MMP10: variants seen among roughly 807,000 people sequenced by gnomAD.
The protein encoded by MMP10 is stromelysin-2.
Under a neutral mutation model 49.1 loss-of-function variants are expected in MMP10, and 50 were observed. The observed-to-expected ratio is 1.02, with a 90% CI of 0.81 to 1.29. The LOEUF is 1.29. Ranked by LOEUF, MMP10 falls within the 50% of genes most tolerant of loss-of-function variation. MMP10 has a pLI of 0.00. For missense variants in MMP10, 613 were observed against 563.8 expected, an observed-to-expected ratio of 1.09 and a Z score of -0.88; for synonymous variants, 229 against 201.6, an observed-to-expected ratio of 1.14 and a Z score of -1.15.
chr11:102,776,473 C>T (rs758539924), intron 5 of MMP10, 49 bp from the exon 6 acceptor site: 3 of 1,598,946 alleles, frequency 1.9e-6, no homozygotes, highest in Non-Finnish European at 1.7e-6. Context: ...AAATGTGATG[C>T]ATCTGTCAAT....
rs758626767 is a variant in MMP10, at chr11:102,779,508, A to T, written c.343T>A (p.Tyr115Asn). Residue 115 changes from tyrosine (Y) to asparagine (N), a missense_variant, in exon 2 of 10, where the codon TAC becomes AAC. Physicochemically the swap from Tyr to Asn is moderately radical, Grantham distance 143. Coordinates refer to ENST00000279441, the MANE Select transcript of MMP10 (RefSeq NM_002425.3). ...MPKWRKTHLT[Y>N]RIVNYTPDLP... The stretch of plus-strand genomic sequence containing the variant: ...AAAACTAATCTGAACCATTACCTGT[A>T]TGTAAGGTGGGTTTTCCTCCACTTC... The T allele has an allele frequency of 6.2e-7, 1 of 1,614,070 alleles. No homozygotes were observed. The highest frequency in any genetic ancestry group is 1.1e-5 in the South Asian group (1 of 91,080).
Position 102,779,647 on chromosome 11 carries a change from C to A in MMP10, c.204G>T (p.Lys68Asn). 2 of 1,614,018 alleles carry A rather than the reference C, an allele frequency of 1.2e-6. No individual in the cohort carries two copies. Among genetic ancestry groups the A allele is most frequent in the Non-Finnish European group, 8.5e-7 (1 of 1,179,978 alleles). ...LIVKKIQGMQ[K>N]FLGLEVTGKL... ...TCCCTGTCACCTCCAACCCAAGGAA[C>A]TTCTGCATTCCTTGGATTTTTTTAA... is the stretch of plus-strand genomic sequence containing the variant. The change falls in exon 2 of 10, where the codon AAG (lysine) becomes AAT (asparagine). Residue 68 changes from lysine (K) to asparagine (N), a missense_variant. By Grantham distance (94) the Lys-to-Asn change is moderately conservative (BLOSUM62 0). Coordinates refer to ENST00000279441, the MANE Select transcript of MMP10 (RefSeq NM_002425.3).
Position 102,777,360 on chromosome 11 carries a change from A to G in MMP10, c.623-584T>C, listed in dbSNP as rs539418237. On this transcript the variant is annotated intron_variant, in intron 4 of 9. Transcript: ENST00000279441. ...CCAGGCTGGAGTATGTGTCCAAGCGATTCTCGTGCCTCAGCCTCCTGAGTA... is the reference window on the plus strand; with the variant it reads ...CCAGGCTGGAGTATGTGTCCAAGCGGTTCTCGTGCCTCAGCCTCCTGAGTA... 2.1e-4 allele frequency among the ~76,000 whole-genome samples: 32 copies of G among 151,832 alleles called. No homozygotes were observed. In the South Asian group the frequency reaches 5.2e-3, roughly 25 times the overall value.
chr11:102,778,560 C>G (rs1857777483), intron 4 of MMP10, 64 bp downstream of exon 4: 3 of 1,584,360 alleles, frequency 1.9e-6, no homozygotes, highest in Non-Finnish European at 2.6e-6. Flanking sequence ...TCTAGATAAT[C>G]CAATTATTTT....
At position 102,772,840 on chromosome 11, in the gene MMP10, A is replaced by C. The variant is rs375698563; in HGVS notation, c.1226+7T>G. 1 of 1,604,736 alleles carries C rather than the reference A, an allele frequency of 6.2e-7. No individual in the cohort carries two copies. The highest frequency in any genetic ancestry group is 8.5e-7 in the Non-Finnish European group (1 of 1,176,756). On this transcript the variant is annotated splice_region_variant and intron_variant, in intron 8 of 9. Transcript: ENST00000279441. This position sits in a 1 kb window ranked among gnomAD's most constrained non-coding sequence, Gnocchi z 4.4. ...CTTCATAGAAAGTCATTTCTCTTGC[A>C]TCTCACCTCCAGTATTTGTCCGCTG...
intron 9 of MMP10, 110 bp from the exon 10 acceptor site, chr11:102,771,003 T>C: frequency 1.4e-6 from 1 of 709,890 alleles, no homozygotes; most frequent in East Asian, 2.7e-5. Flanking sequence ...TATTAAGTGA[T>C]TACTCTATGC....
In MMP10 at chr11:102,776,566, C is replaced by G. The variant is rs769175191; in HGVS notation, c.787+46G>C. Reference sequence around the variant, plus strand: ...TAGCACTGGAAAGCTTTCTGGAGGACTGTCATTGTAGATCTGCAATGCCTA... The same window carrying G: ...TAGCACTGGAAAGCTTTCTGGAGGAGTGTCATTGTAGATCTGCAATGCCTA... On this transcript the variant is annotated intron_variant, in intron 5 of 9. Coordinates refer to ENST00000279441, the MANE Select transcript of MMP10 (RefSeq NM_002425.3). 7 of 1,590,032 alleles carry G rather than the reference C, an allele frequency of 4.4e-6. No homozygotes were observed. In the African/African-American group the frequency reaches 6.8e-5, roughly 15 times the overall value.
Position 102,776,348 on chromosome 11 carries a change from C to T in MMP10, c.864G>A (p.Lys288=). The part of the protein sequence containing the change: ...SVPSGSEMPA[K]CDPALSFDAI... ...CATCGAAGGACAAAGCAGGATCACA[C>T]TTGGCTGGCATCTCAGATCCCGAAG... The change falls in exon 6 of 10, where the codon AAG becomes AAA. Residue 288 remains lysine (K), a synonymous_variant. Transcript: ENST00000279441. 6.2e-7 allele frequency: 1 copy of T among 1,613,912 alleles called. No individual in the cohort carries two copies. The highest frequency in any genetic ancestry group is 8.5e-7 in the Non-Finnish European group (1 of 1,179,884).
Position 102,778,690 on chromosome 11 carries a change from G to C in MMP10, c.556C>G (p.Pro186Ala). 6.2e-7 allele frequency: 1 copy of C among 1,613,986 alleles called. No individual in the cohort carries two copies. The highest frequency in any genetic ancestry group is 8.5e-7 in the Non-Finnish European group (1 of 1,179,962). The change falls in exon 4 of 10, where the codon CCT becomes GCT. Residue 186 changes from proline to alanine, a missense_variant. Pro to Ala is a conservative substitution (Grantham distance 27, BLOSUM62 -1). Transcript: ENST00000279441. ...PGHSLAHAYP[P>A]GPGLYGDIHF... ...ATATCTCCATAAAGCCCAGGTCCAG[G>C]TGGGTAGGCATGAGCCAAACTGTGT...
At position 102,779,674 on chromosome 11, in the gene MMP10, A is replaced by C. The variant is rs1271117602; in HGVS notation, c.177T>G (p.Ile59Met). The change falls in exon 2 of 10, where the codon ATT becomes ATG. Residue 59 changes from isoleucine to methionine, a missense_variant. Physicochemically the swap from Ile to Met is conservative, Grantham distance 10. Transcript: ENST00000279441. ...KQFRRKDSNL[I>M]VKKIQGMQKF... ...TCTGCATTCCTTGGATTTTTTTAAC[A>C]ATGAGATTACTGTCCTTTCTTCTAA... 3 of 1,613,830 alleles carry C rather than the reference A, an allele frequency of 1.9e-6. No homozygotes were observed. In the South Asian group the frequency reaches 3.3e-5, roughly 18 times the overall value.
intron 3 of MMP10, 66 bp downstream of exon 3, chr11:102,779,147 A>G: frequency 6.4e-7 from 1 of 1,574,372 alleles, no homozygotes; most frequent in Non-Finnish European, 8.6e-7. Flanking sequence ...ACCCAGTCTA[A>G]GGTAACTTGC....
Position 102,775,333 on chromosome 11 carries a change from A to G in MMP10, c.933-12T>C. On this transcript the variant is annotated splice_polypyrimidine_tract_variant and intron_variant, in intron 6 of 9. Transcript: ENST00000279441. ...TTCGCCAAAAATATCTGTAATACAT[A>G]AAATTACTTGCAATTGTCTTTCTCT... 1 of 1,575,762 alleles carries G rather than the reference A, an allele frequency of 6.3e-7. No individual in the cohort carries two copies. Among genetic ancestry groups the G allele is most frequent in the Non-Finnish European group, 8.6e-7 (1 of 1,162,784 alleles).
intron 4 of MMP10, among the ~76,000 whole-genome samples, chr11:102,777,498 A>T (rs1591069569): frequency 1.3e-5 from 2 of 151,922 alleles, no homozygotes; most frequent in South Asian, 4.2e-4. Flanking sequence ...CAAGTGATTC[A>T]CCCAACTTGG....
In MMP10 at chr11:102,778,683, G is replaced by C. The variant is rs200232227; in HGVS notation, c.563C>G (p.Pro188Arg). 22 of 1,613,830 alleles carry C rather than the reference G, an allele frequency of 1.4e-5. No homozygotes were observed. Among genetic ancestry groups the C allele is most frequent in the Non-Finnish European group, 1.8e-5 (21 of 1,179,966 alleles). ...HSLAHAYPPG[P>R]GLYGDIHFDD... ...AAAGTGAATATCTCCATAAAGCCCAGGTCCAGGTGGGTAGGCATGAGCCAA... is the reference window on the plus strand; with the variant it reads ...AAAGTGAATATCTCCATAAAGCCCACGTCCAGGTGGGTAGGCATGAGCCAA... The change falls in exon 4 of 10, where the codon CCT becomes CGT. Residue 188 changes from proline (P) to arginine (R), a missense_variant. Physicochemically the swap from Pro to Arg is moderately radical, Grantham distance 103 (BLOSUM62 -2). Coordinates refer to ENST00000279441, the MANE Select transcript of MMP10 (RefSeq NM_002425.3).
chr11:102,771,660 T>C (rs1053500574), intron 9 of MMP10, among the ~76,000 whole-genome samples: 2 of 151,884 alleles, frequency 1.3e-5, no homozygotes, highest in Non-Finnish European at 2.9e-5. Context: ...TGGGATAGAG[T>C]AGAATGACAA....
intron 7 of MMP10, among the ~76,000 whole-genome samples, 177 bp from the exon 8 acceptor site, chr11:102,773,183 T>C (rs1167091920): frequency 6.6e-6 from 1 of 152,226 alleles, no homozygotes; most frequent in Non-Finnish European, 1.5e-5. Flanking sequence ...AATGAATGAA[T>C]AAATGAGTAG....
Position 102,772,668 on chromosome 11 carries a change from C to G in MMP10, c.1226+179G>C, listed in dbSNP as rs1364929318. Among the ~76,000 whole-genome samples, 1 of 152,162 alleles carries G rather than the reference C, an allele frequency of 6.6e-6. No homozygotes were observed. The highest frequency in any genetic ancestry group is 1.5e-5 in the Non-Finnish European group (1 of 68,026). ...GTGTCTGAGTATATGGCCCAGTGAT[C>G]ACCATTCTGAGAGGCCTTTGTATCC... On this transcript the variant is annotated intron_variant, in intron 8 of 9. Transcript: ENST00000279441. The surrounding 1 kb of genome is among the most constrained non-coding windows in gnomAD (Gnocchi z 4.4).
At chr11:102,774,053 G>T (rs188948057) in intron 7 of MMP10, among the ~76,000 whole-genome samples, 1 of 152,250 alleles carries the variant, frequency 6.6e-6, no homozygotes, top group Non-Finnish European at 1.5e-5. Flanking sequence ...AAGTGAGATT[G>T]CCAGAAATAA....
At chr11:102,778,880 C>T in intron 3 of MMP10, 131 bp from the exon 4 acceptor site, 1 of 1,117,650 alleles carries the variant, frequency 8.9e-7, no homozygotes, top group Non-Finnish European at 1.3e-6. Context: ...AAACTCAATG[C>T]CCAATGAAAT....
Sources: gnomAD v4.1 joint callset for allele counts (sites outside exome capture counted in the v4.1 genomes callset) on GRCh38, gnomAD v4.1.1 for gene constraint, Gnocchi (gnomAD v3.1) non-coding constraint, MANE v1.5 for transcripts, NCBI Gene and HGNC (gene_info 2026-07-23, HGNC 2026-07-21) for gene names.